The following IQCH variants were observed in gnomAD, a reference collection of about 807,000 sequenced individuals.
The protein encoded by IQCH is IQ domain-containing protein H.
In IQCH, 98 loss-of-function variants were observed where a neutral mutation model predicts 117.0. The ratio of observed to expected loss-of-function variants is 0.84; its 90% CI spans 0.71 to 0.99. IQCH has a LOEUF of 0.99. IQCH is among the 50% of genes least tolerant of loss of function. IQCH has a pLI of 0.00. For missense variants in IQCH, 1,102 were observed against 1,243.8 expected (o/e 0.89, Z 1.72); for synonymous variants, 412 against 448.2 (o/e 0.92, Z 1.02).
chr15:67,336,203 GT>G (rs1287601990), intron 4 of IQCH, among the ~76,000 whole-genome samples: 2 of 152,058 alleles, frequency 1.3e-5, no homozygotes, highest in African/African-American at 4.8e-5. Flanking sequence ...ATTAATTAAT[GT>G]TTGGAAAATG....
Position 67,390,793 on chromosome 15 carries a change from T to G in IQCH, c.1632+1787T>G, listed in dbSNP as rs1173202078. On this transcript the variant is annotated intron_variant, in intron 12 of 20. Transcript: ENST00000335894. This position sits in a 1 kb window ranked among gnomAD's most constrained non-coding sequence, Gnocchi z 5.0. ...TGTGAGCCACCGCGCCCAGCCCAGT[T>G]TCTCATTTGATTCTCAGAAGAATGC... is the stretch of plus-strand genomic sequence containing the variant. 2.6e-5 allele frequency among the ~76,000 whole-genome samples: 4 copies of G among 152,124 alleles called. No homozygotes were observed. Among genetic ancestry groups the G allele is most frequent in the African/African-American group, 9.7e-5 (4 of 41,446 alleles).
At chr15:67,338,253 G>A (rs1038063519) in intron 5 of IQCH, among the ~76,000 whole-genome samples, 4 of 74,780 alleles carry the variant, frequency 5.3e-5, no homozygotes, top group Admixed American at 2.3e-4. Context: ...CTATCTGTCT[G>A]CTCTGCTTTA....
At chr15:67,418,641 C>T (rs1489932449) in intron 15 of IQCH, among the ~76,000 whole-genome samples, 3 of 140,996 alleles carry the variant, frequency 2.1e-5, no homozygotes, top group East Asian at 2.0e-4. Context: ...TGCAATGGTG[C>T]GATCTCGGCT....
At chr15:67,298,938 C>G (rs1290651925) in intron 4 of IQCH, among the ~76,000 whole-genome samples, 1 of 152,146 alleles carries the variant, frequency 6.6e-6, no homozygotes, top group Non-Finnish European at 1.5e-5. Context: ...GAAAGGAAAT[C>G]AGTGTATCAA....
At chr15:67,489,584 G>A (rs1459608439) in intron 18 of IQCH, among the ~76,000 whole-genome samples, 1 of 151,628 alleles carries the variant, frequency 6.6e-6, no homozygotes, top group Admixed American at 6.6e-5. Flanking sequence ...CCAAAGTGCT[G>A]GAATTACAGG....
At chr15:67,323,379 A>G (rs943027368) in intron 4 of IQCH, among the ~76,000 whole-genome samples, 3 of 150,992 alleles carry the variant, frequency 2.0e-5, no homozygotes, top group Non-Finnish European at 4.4e-5. Flanking sequence ...AGTAGCTGGG[A>G]CTACAGGAAC....
At chr15:67,258,856 A>G (rs1965342444) in intron 1 of IQCH, among the ~76,000 whole-genome samples, 1 of 152,254 alleles carries the variant, frequency 6.6e-6, no homozygotes, top group Non-Finnish European at 1.5e-5. Context: ...ATCTGAAGAA[A>G]GAGATTTAGA....
At position 67,384,578 on chromosome 15, in the gene IQCH, C is replaced by A. The variant is rs1231558762; in HGVS notation, c.1373-358C>A. On this transcript the variant is annotated intron_variant, in intron 10 of 20. Coordinates refer to ENST00000335894, the MANE Select transcript of IQCH (RefSeq NM_001031715.3). This position sits in a 1 kb window ranked among gnomAD's most constrained non-coding sequence, Gnocchi z 4.3. The stretch of plus-strand genomic sequence containing the variant: ...CACATAAGAAGCTCACATTAAGAAG[C>A]CAAAACGATATTTTTTTTAACCTGA... Among the ~76,000 whole-genome samples, 3 of 152,012 alleles carry A rather than the reference C, an allele frequency of 2.0e-5. No individual in the cohort carries two copies. The highest frequency in any genetic ancestry group is 4.4e-5 in the Non-Finnish European group (3 of 67,964).
intron 13 of IQCH, among the ~76,000 whole-genome samples, chr15:67,398,193 T>C (rs905328339): frequency 1.8e-4 from 27 of 152,142 alleles, no homozygotes; most frequent in African/African-American, 6.3e-4. Context: ...AAATATGTAA[T>C]TTTTAAAAAA....
intron 4 of IQCH, among the ~76,000 whole-genome samples, chr15:67,317,530 C>T (rs749528226): frequency 6.6e-6 from 1 of 152,080 alleles, no homozygotes; most frequent in Admixed American, 6.5e-5. Flanking sequence ...ATGATAATGT[C>T]TATCCAGCTC....
At chr15:67,392,393 G>A (rs1329649915) in intron 12 of IQCH, among the ~76,000 whole-genome samples, 2 of 152,136 alleles carry the variant, frequency 1.3e-5, no homozygotes, top group Non-Finnish European at 2.9e-5. Context: ...TAACCAGATG[G>A]GAAAGACAAA....
chr15:67,309,101 G>A (rs1967457386), intron 4 of IQCH, among the ~76,000 whole-genome samples: 1 of 152,042 alleles, frequency 6.6e-6, no homozygotes. Flanking sequence ...CTTTCCTCAT[G>A]TAAAATGTCC....
At chr15:67,275,708 T>C (rs1460356997) in intron 3 of IQCH, among the ~76,000 whole-genome samples, 1 of 152,088 alleles carries the variant, frequency 6.6e-6, no homozygotes, top group African/African-American at 2.4e-5. Context: ...TGAAACCCTG[T>C]CTCTACAAAA....
intron 16 of IQCH, among the ~76,000 whole-genome samples, chr15:67,442,871 TATATATATATATAAA>T (rs2082311129): frequency 1.0e-5 from 1 of 98,538 alleles, no homozygotes; most frequent in Non-Finnish European, 2.1e-5. Context: ...TAGATATACA[TATATATATATATAAA>T]ATACATATAG....
chr15:67,306,713 G>C (rs1967315439), intron 4 of IQCH: 1 of 763,344 alleles, frequency 1.3e-6, no homozygotes, highest in Non-Finnish European at 2.2e-6. Flanking sequence ...CTGTGACTCT[G>C]TTATGTAAAA....
chr15:67,258,116 A>G (rs1965299942), intron 1 of IQCH, among the ~76,000 whole-genome samples: 1 of 152,026 alleles, frequency 6.6e-6, no homozygotes, highest in Non-Finnish European at 1.5e-5. Context: ...CTGTAATCCC[A>G]GCTACTTGGG....
At chr15:67,276,697 A>G (rs1966139100) in intron 3 of IQCH, among the ~76,000 whole-genome samples, 1 of 152,058 alleles carries the variant, frequency 6.6e-6, no homozygotes, top group South Asian at 2.1e-4. Flanking sequence ...CAATATAATT[A>G]TTATCAATAG....
chr15:67,275,849 C>G (rs2140464407), intron 3 of IQCH, among the ~76,000 whole-genome samples: 3 of 152,278 alleles, frequency 2.0e-5, no homozygotes, highest in Middle Eastern at 6.8e-3. Context: ...CACTGCACTC[C>G]AGCCTGAGTG....
In IQCH at chr15:67,407,172, A is replaced by G. The variant is rs1206365044; in HGVS notation, c.2097+6867A>G. The G allele has an allele frequency of 6.6e-6, 1 of 152,238 alleles. No homozygotes were observed. The highest frequency in any genetic ancestry group is 1.9e-4 in the East Asian group (1 of 5,202). 9.4% of individuals were successfully genotyped at this position (152,238 alleles called of 1,614,324 possible). On this transcript the variant is annotated intron_variant, in intron 14 of 20. Coordinates refer to ENST00000335894, the MANE Select transcript of IQCH (RefSeq NM_001031715.3). This position sits in a 1 kb window ranked among gnomAD's most constrained non-coding sequence, Gnocchi z 5.3. Reference sequence around the variant, plus strand: ...TGCCTTGGAAAGAATAAGTCTTCATAGCAGCCTGCTTTCTTATCATTTAGA... The same window carrying G: ...TGCCTTGGAAAGAATAAGTCTTCATGGCAGCCTGCTTTCTTATCATTTAGA...
Sources: gnomAD v4.1 joint callset for allele counts (sites outside exome capture counted in the v4.1 genomes callset) on GRCh38, gnomAD v4.1.1 for gene constraint, Gnocchi (gnomAD v3.1) non-coding constraint, MANE v1.5 for transcripts, NCBI Gene and HGNC (gene_info 2026-07-23, HGNC 2026-07-21) for gene names.